The following PRAF2 variants were observed in gnomAD, a reference collection of about 807,000 sequenced individuals.
PRAF2 encodes the protein PRA1 family protein 2.
A neutral mutation model predicts 9.7 loss-of-function variants in PRAF2; 5 were observed. The observed-to-expected ratio is 0.51, with a 90% CI of 0.27 to 1.08. The LOEUF is 1.08. Ranked by LOEUF, PRAF2 falls within the 50% of genes least tolerant of loss-of-function variation. The pLI is 0.12. For missense variants in PRAF2, 135 were observed against 160.7 expected (o/e 0.84, Z 0.86); for synonymous variants, 61 against 76.6 (o/e 0.80, Z 1.06).
intron 2 of PRAF2, 140 bp from the exon 3 acceptor site, chrX:49,072,148 C>A: frequency 1.2e-6 from 1 of 837,512 alleles, no homozygotes; most frequent in Non-Finnish European, 1.7e-6. Context: ...GAAAGCGTGG[C>A]CGAGTAATTG....
At chrX:49,072,392 C>A in intron 2 of PRAF2, 41 bp downstream of exon 2, 1 of 1,161,670 alleles carries the variant, frequency 8.6e-7, no homozygotes, top group Non-Finnish European at 1.2e-6. Context: ...TAAGCATGCT[C>A]TGGCTGCTTT....
In PRAF2 at chrX:49,071,455, A is replaced by C; in HGVS notation, c.*414T>G. 8.5e-6 allele frequency: 1 copy of C among 117,915 alleles called. No individual in the cohort carries two copies. The highest frequency in any genetic ancestry group is 1.8e-5 in the Non-Finnish European group (1 of 56,422). The allele number at this position is 117,915 out of a possible 1,213,427, so 9.7% of individuals were successfully genotyped here. A position where few individuals can be genotyped will look rare whatever the true frequency, so the allele number is the denominator to read the frequency against. ...AATGTCTTGACCTGGGTTGGAAGGT[A>C]GGGTGGGGTCTGGAAAAGCTTTGGT... On this transcript the variant is annotated 3_prime_UTR_variant, in exon 3 of 3. Coordinates refer to ENST00000553851, the MANE Select transcript of PRAF2 (RefSeq NM_007213.3).
chrX:49,073,483 T>C (rs1414732613), intron 1 of PRAF2, among the ~76,000 whole-genome samples: 2 of 104,594 alleles, frequency 1.9e-5, no homozygotes, highest in African/African-American at 7.2e-5. Flanking sequence ...TTTCGGGCCC[T>C]CCTTTTTTTC....
intron 1 of PRAF2, 68 bp downstream of exon 1, chrX:49,073,741 C>CA: frequency 1.7e-6 from 2 of 1,164,859 alleles, no homozygotes; most frequent in Non-Finnish European, 2.3e-6. Context: ...TCCTGGTCCT[C>CA]AAAGACCTGT....
Position 49,071,718 on chromosome X carries a change from G to A in PRAF2, c.*151C>T. The A allele has an allele frequency of 1.8e-6, 1 of 569,360 alleles. No individual in the cohort carries two copies. Among genetic ancestry groups the A allele is most frequent in the Non-Finnish European group, 2.6e-6 (1 of 378,811 alleles). 46.9% of individuals were successfully genotyped at this position (569,360 alleles called of 1,213,427 possible). A position where few individuals can be genotyped will look rare whatever the true frequency, so the allele number is the denominator to read the frequency against. ...TGAGGGATATCTTAGTTTGGGGCTGGCGTGGGGGTAGGGCGGTCACAGATG... is the reference window on the plus strand; with the variant it reads ...TGAGGGATATCTTAGTTTGGGGCTGACGTGGGGGTAGGGCGGTCACAGATG... On this transcript the variant is annotated 3_prime_UTR_variant, in exon 3 of 3. Transcript: ENST00000553851.
intron 1 of PRAF2, 85 bp downstream of exon 1, chrX:49,073,724 T>C: frequency 1.8e-6 from 2 of 1,112,368 alleles, no homozygotes; most frequent in Non-Finnish European, 2.4e-6. Context: ...CCCCCTCAGG[T>C]TCCCCGTCCT....
At position 49,071,836 on chromosome X, in the gene PRAF2, A is replaced by G. The variant is rs1303063483; in HGVS notation, c.*33T>C. ...AATTATGGGCTGGGGGTGGGGTGGT[A>G]TTCTCCAGGTCCTGGGTACAGATCC... On this transcript the variant is annotated 3_prime_UTR_variant, in exon 3 of 3. Transcript: ENST00000553851. 1.7e-6 allele frequency: 2 copies of G among 1,177,428 alleles called. No individual in the cohort carries two copies. The highest frequency in any genetic ancestry group is 1.8e-5 in the African/African-American group (1 of 55,491).
intron 2 of PRAF2, 118 bp from the exon 3 acceptor site, chrX:49,072,126 G>A: frequency 3.3e-6 from 3 of 919,250 alleles, no homozygotes; most frequent in South Asian, 2.4e-5. Flanking sequence ...CAGCCAGGAC[G>A]CCTCAGATAC....
At chrX:49,072,289 C>T (rs1235769881) in intron 2 of PRAF2, 144 bp downstream of exon 2, 2 of 737,674 alleles carry the variant, frequency 2.7e-6, no homozygotes, top group African/African-American at 4.3e-5. Flanking sequence ...GGGAACGAAG[C>T]CCGGGAAGGC....
At chrX:49,072,372 C>T in intron 2 of PRAF2, 61 bp downstream of exon 2, 1 of 1,139,934 alleles carries the variant, frequency 8.8e-7, no homozygotes, top group Non-Finnish European at 1.2e-6. Context: ...GCAGGGCTGG[C>T]CTGGTGCCTT....
Position 49,071,825 on chromosome X carries a change from G to A in PRAF2, c.*44C>T, listed in dbSNP as rs1557083138. 8.6e-7 allele frequency: 1 copy of A among 1,168,774 alleles called. No individual in the cohort carries two copies. Reference sequence around the variant, plus strand: ...CTCTGGGTCCCAATTATGGGCTGGGGGTGGGGTGGTATTCTCCAGGTCCTG... The same window carrying A: ...CTCTGGGTCCCAATTATGGGCTGGGAGTGGGGTGGTATTCTCCAGGTCCTG... On this transcript the variant is annotated 3_prime_UTR_variant, in exon 3 of 3. Transcript: ENST00000553851.
At chrX:49,073,668 C>T (rs2065019448) in intron 1 of PRAF2, 141 bp downstream of exon 1, 1 of 792,870 alleles carries the variant, frequency 1.3e-6, no homozygotes. Context: ...TTCCAAGCCC[C>T]TCAGGCCGTC....
At chrX:49,072,997 G>A (rs1275945941) in intron 1 of PRAF2, among the ~76,000 whole-genome samples, 1 of 110,482 alleles carries the variant, frequency 9.1e-6, no homozygotes, top group African/African-American at 3.3e-5. Context: ...CTGCCCGCAA[G>A]CTCCCCCTTT....
Position 49,071,743 on chromosome X carries a change from G to A in PRAF2, c.*126C>T, listed in dbSNP as rs1405249541. 1 of 821,582 alleles carries A rather than the reference G, an allele frequency of 1.2e-6. No homozygotes were observed. Among genetic ancestry groups the A allele is most frequent in the Non-Finnish European group, 1.7e-6 (1 of 601,627 alleles). 67.7% of individuals were successfully genotyped at this position (821,582 alleles called of 1,213,427 possible). ...GCGTGGGGGTAGGGCGGTCACAGAT[G>A]TCCTGTTTTGTTTGGGCAGGGGGCT... On this transcript the variant is annotated 3_prime_UTR_variant, in exon 3 of 3. Coordinates refer to ENST00000553851, the MANE Select transcript of PRAF2 (RefSeq NM_007213.3).
Position 49,072,646 on chromosome X carries a change from C to T in PRAF2, c.184G>A (p.Val62Met), listed in dbSNP as rs1557083332. The change falls in exon 2 of 3, where the codon GTG becomes ATG. Residue 62 changes from valine (V) to methionine (M), a missense_variant. Physicochemically the swap from Val to Met is conservative, Grantham distance 21. Coordinates refer to ENST00000553851, the MANE Select transcript of PRAF2 (RefSeq NM_007213.3). Reference protein sequence around the residue: ...FGIGLALAGYVRPLHTLLSAL... With the variant: ...FGIGLALAGYMRPLHTLLSAL... ...CTCAGGAGCGTATGAAGTGGCCGCA[C>T]GTACCTGCGGGTACAAGGGAACCAA... 6.9e-6 allele frequency: 8 copies of T among 1,164,414 alleles called. No individual in the cohort carries two copies. Among genetic ancestry groups the T allele is most frequent in the African/African-American group, 1.8e-5 (1 of 56,185 alleles).
chrX:49,073,052 C>T (rs910673536), intron 1 of PRAF2, among the ~76,000 whole-genome samples: 1 of 111,222 alleles, frequency 9.0e-6, no homozygotes, highest in Non-Finnish European at 1.9e-5. Flanking sequence ...TCTGTCTTCA[C>T]ACGTTCCCCT....
At chrX:49,073,262 A>G (rs1445411543) in intron 1 of PRAF2, among the ~76,000 whole-genome samples, 3 of 110,535 alleles carry the variant, frequency 2.7e-5, no homozygotes, top group Admixed American at 1.9e-4. Flanking sequence ...CCTGGGCCCA[A>G]GTTCCCCAAC....
chrX:49,072,974 G>T (rs1343076566), intron 1 of PRAF2, among the ~76,000 whole-genome samples: 1 of 110,706 alleles, frequency 9.0e-6, no homozygotes, highest in Non-Finnish European at 1.9e-5. Context: ...CCCCCGTAGG[G>T]CCCCTCATCA....
chrX:49,071,215 C>T lies in PRAF2; in HGVS notation c.*654G>A, dbSNP rs1295073356. The T allele has an allele frequency of 8.9e-6, 1 of 112,544 alleles. No individual in the cohort carries two copies. The highest frequency in any genetic ancestry group is 1.9e-5 in the Non-Finnish European group (1 of 53,301). The allele number at this position is 112,544 out of a possible 1,213,427, so 9.3% of individuals were successfully genotyped here. Reference sequence around the variant, plus strand: ...GTTGCAGCAACACTAACATATACGCCCCATTCCCTGCTGAGGCCTGTCCCC... The same window carrying T: ...GTTGCAGCAACACTAACATATACGCTCCATTCCCTGCTGAGGCCTGTCCCC... On this transcript the variant is annotated 3_prime_UTR_variant, in exon 3 of 3. Coordinates refer to ENST00000553851, the MANE Select transcript of PRAF2 (RefSeq NM_007213.3).
Sources: gnomAD v4.1 joint callset for allele counts (sites outside exome capture counted in the v4.1 genomes callset) on GRCh38, gnomAD v4.1.1 for gene constraint, MANE v1.5 for transcripts, NCBI Gene and HGNC (gene_info 2026-07-23, HGNC 2026-07-21) for gene names.